The following APRT variants were observed in gnomAD, a reference collection of about 807,000 sequenced individuals.
APRT encodes AMP diphosphorylase.
Under a neutral mutation model 21.0 loss-of-function variants are expected in APRT, and 25 were observed. That is an observed-to-expected ratio of 1.19 (90% confidence interval 0.87 to 1.66). APRT has a LOEUF of 1.66. Among genes scored for constraint, APRT ranks in the 40% most tolerant of loss-of-function variants. The pLI, the probability that APRT is intolerant of heterozygous loss-of-function variation, is 0.00. For missense variants in APRT, 294 were observed against 232.7 expected (o/e 1.26, Z -1.72); for synonymous variants, 153 against 109.0 (o/e 1.40, Z -2.52).
chr16:88,811,692 G>T (rs753599823), intron 1 of APRT, 36 bp from the exon 2 acceptor site: 2 of 1,530,032 alleles, frequency 1.3e-6, no homozygotes, highest in East Asian at 2.5e-5. Flanking sequence ...CGCCGGGGCC[G>T]AAGGAGGGCA....
rs557707823 is a variant in APRT at position 88,810,611 on chromosome 16, G to A, written c.188-55C>T. On this transcript the variant is annotated intron_variant, in intron 2 of 4. Transcript: ENST00000378364. ...GCAGCATGGGAATCCCCAGGGGCCA[G>A]GGTTGGCCGGTGGCAAGGGGTACCT... 4.4e-4 allele frequency: 702 copies of A among 1,594,150 alleles called. 1 individual carries two copies. The highest frequency in any genetic ancestry group is 5.5e-4 in the Non-Finnish European group (643 of 1,171,894).
chr16:88,811,111 G>C, intron 2 of APRT: 2 of 341,150 alleles, frequency 5.9e-6, no homozygotes, highest in Non-Finnish European at 1.1e-5. Context: ...GGAACACTCT[G>C]TTCTCCCTGG....
At position 88,810,055 on chromosome 16, in the gene APRT, C is replaced by A; in HGVS notation, c.400+15G>T. ...CCCTTGGAGCCACAGCAGTTGGCTG[C>A]GGGGAGACCCTTACCACCAGTGGCC... On this transcript the variant is annotated intron_variant, in intron 4 of 4. Transcript: ENST00000378364. 1.9e-6 allele frequency: 3 copies of A among 1,612,602 alleles called. No individual in the cohort carries two copies. The highest frequency in any genetic ancestry group is 2.5e-6 in the Non-Finnish European group (3 of 1,179,828).
intron 2 of APRT, chr16:88,811,281 G>A (rs879283825): frequency 3.7e-6 from 2 of 539,300 alleles, no homozygotes; most frequent in Non-Finnish European, 6.6e-6. Flanking sequence ...TTCAGCTTGG[G>A]CACTCCAGGG....
intron 4 of APRT, 109 bp downstream of exon 4, chr16:88,809,961 G>T: frequency 6.4e-7 from 1 of 1,565,888 alleles, no homozygotes; most frequent in Non-Finnish European, 8.7e-7. Flanking sequence ...CTGGCCACCA[G>T]GCACCCTCTG....
chr16:88,809,817 GC>G lies in APRT; in HGVS notation c.423del (p.Glu141AspfsTer14). On this transcript the variant is annotated frameshift_variant, in exon 5 of 5. Coordinates refer to ENST00000378364, the MANE Select transcript of APRT (RefSeq NM_000485.3). LOFTEE classifies it high-confidence loss of function. ...ATGGTMNAACELLGRLQAEVL... is the reference protein window; with the variant it reads ...ATGGTMNAACXLLGRLQAEVL... ...ACCTCAGCCTGCAGGCGGCCCAGCA[GC>G]TCACAGGCAGCGTTCATGGTTCCTG... is the stretch of plus-strand genomic sequence containing the variant. The G allele has an allele frequency of 6.2e-7, 1 of 1,612,694 alleles. No homozygotes were observed. Among genetic ancestry groups the G allele is most frequent in the Non-Finnish European group, 8.5e-7 (1 of 1,179,958 alleles).
Position 88,810,090 on chromosome 16 carries a change from T to C in APRT, c.380A>G (p.Asp127Gly), listed in dbSNP as rs1909057323. 4 of 1,613,284 alleles carry C rather than the reference T, an allele frequency of 2.5e-6. No individual in the cohort carries two copies. The highest frequency in any genetic ancestry group is 3.4e-6 in the Non-Finnish European group (4 of 1,180,030). ...CTTACCACCAGTGGCCAGCAGATCATCCACGACGACCACCCTCTGTCCTGG... is the reference window on the plus strand; with the variant it reads ...CTTACCACCAGTGGCCAGCAGATCACCCACGACGACCACCCTCTGTCCTGG... ...LEPGQRVVVVDDLLATGGTMN... is the reference protein window; with the variant it reads ...LEPGQRVVVVGDLLATGGTMN... Residue 127 changes from aspartate (D) to glycine (G), a missense_variant, in exon 4 of 5, where the codon GAT becomes GGT. Transcript: ENST00000378364.
intron 4 of APRT, 68 bp from the exon 5 acceptor site, chr16:88,809,908 C>G (rs1295509954): frequency 1.3e-6 from 2 of 1,595,660 alleles, no homozygotes; most frequent in Non-Finnish European, 1.7e-6. Flanking sequence ...AGGCCAGCCC[C>G]TGGGTTGGGG....
chr16:88,809,928 C>T (rs1319969680), intron 4 of APRT, 88 bp from the exon 5 acceptor site: 1 of 1,583,002 alleles, frequency 6.3e-7, no homozygotes, highest in Non-Finnish European at 8.6e-7. Context: ...GAGGGGAAGG[C>T]ATGGGGAGAG....
rs1909021036 is a variant in APRT, at chr16:88,809,527, G to A, written c.*171C>T. On this transcript the variant is annotated 3_prime_UTR_variant, in exon 5 of 5. Transcript: ENST00000378364. ...GTGTGTAATTGGGTTCAGTGTGGCT[G>A]AAACACAGCTTTGCCCCAGGCTTTG... The A allele has an allele frequency of 4.6e-6, 5 of 1,094,912 alleles. No homozygotes were observed. Among genetic ancestry groups the A allele is most frequent in the Non-Finnish European group, 6.8e-6 (5 of 740,308 alleles). 67.8% of individuals were successfully genotyped at this position (1,094,912 alleles called of 1,614,324 possible).
rs370665100 is a variant in APRT, at chr16:88,810,118, C to G, written c.352G>C (p.Glu118Gln). 143 of 1,613,162 alleles carry G rather than the reference C, an allele frequency of 8.9e-5. No homozygotes were observed. Among genetic ancestry groups the G allele is most frequent in the Non-Finnish European group, 1.2e-4 (137 of 1,180,018 alleles). ...ACGACGACCACCCTCTGTCCTGGCT[C>G]CAGGGCGTCTTTCTGAATCTCCAGC... Reference protein sequence around the residue: ...AELEIQKDALEPGQRVVVVDD... With the variant: ...AELEIQKDALQPGQRVVVVDD... Residue 118 changes from glutamate to glutamine, a missense_variant, in exon 4 of 5, where the codon GAG (glutamate) becomes CAG (glutamine). Glu to Gln is a conservative substitution (Grantham distance 29, BLOSUM62 2). Transcript: ENST00000378364.
At position 88,810,115 on chromosome 16, in the gene APRT, GCTCCAGGGCGTCTTTCTGAAT is replaced by G; in HGVS notation, c.334_354del (p.Ile112_Glu118del). Reference sequence around the variant, plus strand: ...TCCACGACGACCACCCTCTGTCCTGGCTCCAGGGCGTCTTTCTGAATCTCCAGCTCAGCCTGGAGTGGGAAG... The same window carrying G: ...TCCACGACGACCACCCTCTGTCCTGGCTCCAGCTCAGCCTGGAGTGGGAAG... On this transcript the variant is annotated inframe_deletion, in exon 4 of 5. Transcript: ENST00000378364. The G allele has an allele frequency of 6.2e-7, 1 of 1,613,260 alleles. No homozygotes were observed.
chr16:88,811,530 T>C lies in APRT; in HGVS notation c.187+20A>G. 3 of 1,569,602 alleles carry C rather than the reference T, an allele frequency of 1.9e-6. No individual in the cohort carries two copies. The highest frequency in any genetic ancestry group is 2.6e-6 in the Non-Finnish European group (3 of 1,158,710). On this transcript the variant is annotated intron_variant, in intron 2 of 4. Coordinates refer to ENST00000378364, the MANE Select transcript of APRT (RefSeq NM_000485.3). ...CGCGCAGAGGCGGAAGCGCCCTAGA[T>C]GCGGCCACTGGGCACTCGCCTGCGA...
At chr16:88,811,393 C>T (rs1386676066) in intron 2 of APRT, 157 bp downstream of exon 2, 1 of 802,894 alleles carries the variant, frequency 1.2e-6, no homozygotes, top group East Asian at 2.8e-5. Flanking sequence ...GGGGCTCAAT[C>T]TCACAACCCT....
intron 2 of APRT, chr16:88,811,257 C>G (rs1909125762): frequency 1.9e-6 from 1 of 519,732 alleles, no homozygotes; most frequent in African/African-American, 2.0e-5. Flanking sequence ...AGCAAGGCAG[C>G]TGGGCCCTGT....
intron 4 of APRT, 31 bp downstream of exon 4, chr16:88,810,039 C>T: frequency 1.2e-6 from 2 of 1,611,076 alleles, no homozygotes; most frequent in Non-Finnish European, 1.7e-6. Flanking sequence ...GCCCTTGGAG[C>T]CACAGCAGTT....
rs151240811 is a variant in APRT, at chr16:88,810,129, T to G, written c.341A>C (p.Lys114Thr). ...EYGKAELEIQ[K>T]DALEPGQRVV... ...CCTCTGTCCTGGCTCCAGGGCGTCT[T>G]TCTGAATCTCCAGCTCAGCCTGGAG... The change falls in exon 4 of 5, where the codon AAA becomes ACA. Residue 114 changes from lysine (K) to threonine (T), a missense_variant. By Grantham distance (78) the Lys-to-Thr change is moderately conservative. Transcript: ENST00000378364. 124 of 1,613,244 alleles carry G rather than the reference T, an allele frequency of 7.7e-5. 1 individual carries two copies. The African/African-American group carries it at 1.6e-3, about 21-fold the overall frequency.
chr16:88,809,555 A>T lies in APRT; in HGVS notation c.*143T>A. ...ACACAGCTTTGCCCCAGGCTTTGGC[A>T]CTTCCAGCCCCAGGAGAGGCGCTGA... On this transcript the variant is annotated 3_prime_UTR_variant, in exon 5 of 5. Coordinates refer to ENST00000378364, the MANE Select transcript of APRT (RefSeq NM_000485.3). 1 of 1,351,036 alleles carries T rather than the reference A, an allele frequency of 7.4e-7. No homozygotes were observed. The highest frequency in any genetic ancestry group is 1.0e-6 in the Non-Finnish European group (1 of 962,882). 83.7% of individuals were successfully genotyped at this position (1,351,036 alleles called of 1,614,324 possible). A position where few individuals can be genotyped will look rare whatever the true frequency, so the allele number is the denominator to read the frequency against.
chr16:88,810,310 A>G (rs1021863023), intron 3 of APRT, 113 bp downstream of exon 3: 9 of 1,537,354 alleles, frequency 5.9e-6, no homozygotes, highest in African/African-American at 1.4e-5. Context: ...TCCCAAGGCC[A>G]CTGTAACCAC....
Sources: gnomAD v4.1 joint callset for allele counts on GRCh38, gnomAD v4.1.1 for gene constraint, MANE v1.5 for transcripts, NCBI Gene and HGNC (gene_info 2026-07-23, HGNC 2026-07-21) for gene names.